PRR16: variants seen among roughly 807,000 people sequenced by gnomAD.
PRR16 encodes the protein protein Largen.
PRR16 carries 6 observed loss-of-function variants against 18.2 expected under a neutral mutation model. That is an observed-to-expected ratio of 0.33 (90% confidence interval 0.18 to 0.65). The LOEUF is 0.65. Ranked by LOEUF, PRR16 falls within the 30% of genes least tolerant of loss-of-function variation. The probability of loss-of-function intolerance (pLI) is 0.74; values close to 1 mark genes in which losing one functional copy is unlikely to be tolerated. For missense variants in PRR16, 412 were observed against 376.6 expected, an observed-to-expected ratio of 1.09 and a Z score of -0.78; for synonymous variants, 151 against 147.8, an observed-to-expected ratio of 1.02 and a Z score of -0.16.
the PRR16 span, among the ~76,000 whole-genome samples, chr5:120,736,563 T>TTTG: frequency 4.3e-5 from 6 of 139,546 alleles, no homozygotes; most frequent in Non-Finnish European, 9.2e-5. Context: ...TTTTTTTTTT[T>TTTG]GACTATTTGG....
intron 1 of PRR16, among the ~76,000 whole-genome samples, chr5:120,585,631 G>T (rs1355581747): frequency 6.9e-6 from 1 of 144,656 alleles, no homozygotes; most frequent in Non-Finnish European, 1.5e-5. Context: ...AAAAAAAAAA[G>T]CTCCTTCTTC....
the PRR16 span, among the ~76,000 whole-genome samples, chr5:120,756,550 TGTG>T: frequency 1.3e-5 from 2 of 150,954 alleles, no homozygotes; most frequent in Non-Finnish European, 2.9e-5. Flanking sequence ...TAATTAGTAA[TGTG>T]GAGCATTTTT....
At chr5:120,682,297 T>C (rs1425950228) in intron 1 of PRR16, among the ~76,000 whole-genome samples, 2 of 152,204 alleles carry the variant, frequency 1.3e-5, no homozygotes, top group African/African-American at 4.8e-5. Context: ...GGTCTTCCTC[T>C]TCTCTTATAA....
At chr5:120,637,592 A>G (rs1755280190) in intron 1 of PRR16, among the ~76,000 whole-genome samples, 1 of 152,032 alleles carries the variant, frequency 6.6e-6, no homozygotes, top group African/African-American at 2.4e-5. Flanking sequence ...ATGGGAGCTA[A>G]GTTATGAGGA....
rs114308572 is a variant in PRR16, at chr5:120,496,033, G to T, written c.159+31388G>T. Reference sequence around the variant, plus strand: ...AAAATTTTTATCCTGAATGGATATGGAATTTTCACAAATATTTTCACCAAT... The same window carrying T: ...AAAATTTTTATCCTGAATGGATATGTAATTTTCACAAATATTTTCACCAAT... On this transcript the variant is annotated intron_variant, in intron 1 of 1. Transcript: ENST00000407149. 7.4e-3 allele frequency among the ~76,000 whole-genome samples: 1,119 copies of T among 151,918 alleles called. 15 individuals carry two copies. Among genetic ancestry groups the T allele is most frequent in the African/African-American group, 0.025 (1,056 of 41,496 alleles).
the PRR16 span, among the ~76,000 whole-genome samples, chr5:120,740,481 C>G: frequency 6.6e-6 from 1 of 151,906 alleles, no homozygotes; most frequent in Non-Finnish European, 1.5e-5. Flanking sequence ...TTGAAAATAC[C>G]ACACTTTAGT....
intron 1 of PRR16, among the ~76,000 whole-genome samples, chr5:120,550,446 A>G (rs1260729726): frequency 1.3e-5 from 2 of 152,058 alleles, no homozygotes; most frequent in African/African-American, 4.8e-5. Flanking sequence ...AAGATGAAAT[A>G]AAGTTTTAGA....
At chr5:120,634,584 A>T (rs1332945820) in intron 1 of PRR16, among the ~76,000 whole-genome samples, 4 of 152,184 alleles carry the variant, frequency 2.6e-5, no homozygotes, top group Admixed American at 6.5e-5. Context: ...TGGAGGTTGC[A>T]GTGAGCCAAG....
At chr5:120,501,956 A>C (rs1183170283) in intron 1 of PRR16, among the ~76,000 whole-genome samples, 27 of 69,250 alleles carry the variant, frequency 3.9e-4, no homozygotes, top group African/African-American at 2.3e-3. Context: ...ACTCCGTCTC[A>C]AAAAAAAAAA....
At position 120,634,412 on chromosome 5, in the gene PRR16, G is replaced by A. The variant is rs542130865; in HGVS notation, c.160-51542G>A. 3.3e-5 allele frequency among the ~76,000 whole-genome samples: 5 copies of A among 152,320 alleles called. No homozygotes were observed. In the East Asian group the frequency reaches 5.8e-4, roughly 18 times the overall value. Reference sequence around the variant, plus strand: ...TAATCCCAGCACTTTGGGAGGCCAAGGCAGGGGGATCAATTGAGGTGAGGA... The same window carrying A: ...TAATCCCAGCACTTTGGGAGGCCAAAGCAGGGGGATCAATTGAGGTGAGGA... On this transcript the variant is annotated intron_variant, in intron 1 of 1. Coordinates refer to ENST00000407149, the MANE Select transcript of PRR16 (RefSeq NM_001300783.2).
At chr5:120,757,911 T>A in the PRR16 span, among the ~76,000 whole-genome samples, 37 of 152,218 alleles carry the variant, frequency 2.4e-4, no homozygotes, top group East Asian at 6.8e-3. Flanking sequence ...TTTTGACAAA[T>A]GCATTGGAGT....
chr5:120,725,624 C>A, the PRR16 span, among the ~76,000 whole-genome samples: 9 of 151,952 alleles, frequency 5.9e-5, no homozygotes, highest in Non-Finnish European at 1.2e-4. Flanking sequence ...TTAAAGTGAG[C>A]TATAATCATA....
At chr5:120,475,200 T>G (rs969240502) in intron 1 of PRR16, among the ~76,000 whole-genome samples, 1 of 152,160 alleles carries the variant, frequency 6.6e-6, no homozygotes, top group Non-Finnish European at 1.5e-5. Flanking sequence ...AGAGCAAGTG[T>G]TGGAGTTGAA....
chr5:120,710,912 A>G, the PRR16 span: 1 of 150,648 alleles, frequency 6.6e-6, no homozygotes, highest in South Asian at 2.1e-4. Context: ...AAGAGTTAGT[A>G]GGGCTCTGGT....
Position 120,652,405 on chromosome 5 carries a change from A to G in PRR16, c.160-33549A>G, listed in dbSNP as rs181283766. On this transcript the variant is annotated intron_variant, in intron 1 of 1. Transcript: ENST00000407149. ...CTTCCAAAAAGTACAGTAGGGAAAG[A>G]TAGAGGAAAAATAAGAGAACTTTAT... 4.3e-3 allele frequency among the ~76,000 whole-genome samples: 654 copies of G among 152,232 alleles called. 5 individuals carry two copies. The highest frequency in any genetic ancestry group is 0.015 in the African/African-American group (627 of 41,556).
At chr5:120,757,214 C>A in the PRR16 span, among the ~76,000 whole-genome samples, 2 of 152,084 alleles carry the variant, frequency 1.3e-5, no homozygotes, top group Non-Finnish European at 2.9e-5. Context: ...GTTTTGGTTA[C>A]TGTAGCCTTA....
At chr5:120,532,625 A>G (rs1253367462) in intron 1 of PRR16, among the ~76,000 whole-genome samples, 2 of 152,114 alleles carry the variant, frequency 1.3e-5, no homozygotes, top group Non-Finnish European at 2.9e-5. Flanking sequence ...AAGTCTTATA[A>G]TGTACAATAT....
chr5:120,709,297 G>A, the PRR16 span, among the ~76,000 whole-genome samples: 4 of 151,842 alleles, frequency 2.6e-5, no homozygotes, highest in Non-Finnish European at 4.4e-5. Flanking sequence ...GTGAGCCACC[G>A]CACCCGGCCG....
At chr5:120,707,775 G>A in the PRR16 span, among the ~76,000 whole-genome samples, 35,577 of 152,124 alleles carry the variant, frequency 0.23, 5,039 homozygotes, top group Middle Eastern at 0.43. Context: ...TATTTCAATT[G>A]TTAGTAAAGA....
Sources: allele counts gnomAD v4.1 joint callset (sites outside exome capture counted in the v4.1 genomes callset), GRCh38; gene constraint gnomAD v4.1.1; transcripts MANE v1.5; gene names NCBI Gene and HGNC (gene_info 2026-07-23, HGNC 2026-07-21).